Variants in KDM6A observed in about 807,000 individuals in gnomAD.
KDM6A encodes the protein lysine-specific demethylase 6A.
KDM6A carries 11 observed loss-of-function variants against 117.6 expected under a neutral mutation model. That is an observed-to-expected ratio of 0.09 (90% confidence interval 0.06 to 0.15). The LOEUF (loss-of-function observed/expected upper bound fraction) is 0.15. KDM6A is among the 10% of genes least tolerant of loss of function. KDM6A has a pLI of 1.00. For synonymous variants in KDM6A, 384 were observed against 396.1 expected (o/e 0.97, Z 0.36); for missense variants, 799 against 1,077.3 (o/e 0.74, Z 3.62).
intron 2 of KDM6A, among the ~76,000 whole-genome samples, chrX:44,911,195 T>C (rs1278895090): frequency 1.3e-3 from 123 of 95,943 alleles, no homozygotes; most frequent in Middle Eastern, 5.9e-3. Context: ...CCGGACGGGG[T>C]GGCTGCCGGG....
intron 4 of KDM6A, among the ~76,000 whole-genome samples, chrX:44,983,378 A>G (rs984150330): frequency 1.8e-5 from 2 of 111,765 alleles, no homozygotes; most frequent in African/African-American, 6.5e-5. Flanking sequence ...TTGACAATGC[A>G]GAAATGAATA....
At chrX:44,987,488 G>A (rs936687292) in intron 4 of KDM6A, among the ~76,000 whole-genome samples, 31 of 111,670 alleles carry the variant, frequency 2.8e-4, no homozygotes, top group Non-Finnish European at 1.1e-4. Context: ...AGTTGATGCA[G>A]TTTCTTCCTA....
chrX:44,944,417 T>C (rs1033138467), intron 2 of KDM6A, among the ~76,000 whole-genome samples: 2 of 111,721 alleles, frequency 1.8e-5, no homozygotes, highest in African/African-American at 6.5e-5. Flanking sequence ...TTATTTGCCT[T>C]TCCATATACA....
intron 28 of KDM6A, among the ~76,000 whole-genome samples, chrX:45,109,166 AAAT>A (rs1405963614): frequency 4.2e-4 from 43 of 103,387 alleles, no homozygotes; most frequent in African/African-American, 1.4e-3. Flanking sequence ...ATAAATAAAT[AAAT>A]AAAGTACCTG....
chrX:45,060,235 C>G (rs1418784513), intron 13 of KDM6A, 79 bp downstream of exon 13: 2 of 1,180,752 alleles, frequency 1.7e-6, no homozygotes, highest in Non-Finnish European at 2.3e-6. Flanking sequence ...GCTTAATTTA[C>G]TAAGCACAGG....
chrX:45,035,109 T>G (rs968325821), intron 7 of KDM6A, 124 bp downstream of exon 7: 2 of 576,979 alleles, frequency 3.5e-6, no homozygotes, highest in Non-Finnish European at 2.9e-6. Flanking sequence ...GTAACTGTAT[T>G]GGTTGCCATG....
At chrX:45,047,664 CTTTTTTTTTCTTTTTTT>C (rs1449580501) in intron 8 of KDM6A, among the ~76,000 whole-genome samples, 13 of 27,213 alleles carry the variant, frequency 4.8e-4, no homozygotes, top group African/African-American at 1.4e-3. Context: ...TATCTGCTTG[CTTTTTTTTTCTTTTTTT>C]TTTTTTTTTT....
chrX:44,993,454 C>T (rs968821436), intron 4 of KDM6A, among the ~76,000 whole-genome samples: 6 of 110,302 alleles, frequency 5.4e-5, no homozygotes, highest in Non-Finnish European at 1.1e-4. Flanking sequence ...AAGTGGTCTG[C>T]CCACTTCTGC....
chrX:45,029,425 C>A (rs1294279553), intron 6 of KDM6A, among the ~76,000 whole-genome samples: 1 of 109,659 alleles, frequency 9.1e-6, no homozygotes, highest in African/African-American at 3.3e-5. Flanking sequence ...AAGAGCGAAA[C>A]CCCATCTAAT....
At chrX:44,920,450 T>A (rs1375506477) in intron 2 of KDM6A, among the ~76,000 whole-genome samples, 3 of 110,873 alleles carry the variant, frequency 2.7e-5, no homozygotes, top group Non-Finnish European at 3.8e-5. Context: ...TTTATTTTTT[T>A]TTTTTTGAGA....
At chrX:45,001,819 C>T (rs2041157317) in intron 4 of KDM6A, among the ~76,000 whole-genome samples, 1 of 111,108 alleles carries the variant, frequency 9.0e-6, no homozygotes, top group Non-Finnish European at 1.9e-5. Flanking sequence ...GTCTATCCCC[C>T]TTCCGCTGTA....
chrX:45,018,266 T>C (rs2042041563), intron 5 of KDM6A, among the ~76,000 whole-genome samples: 2 of 111,441 alleles, frequency 1.8e-5, no homozygotes, highest in Non-Finnish European at 1.9e-5. Context: ...ATTGGGTCTA[T>C]AAGGTTTTCG....
At chrX:44,947,177 C>T (rs749735510) in intron 2 of KDM6A, among the ~76,000 whole-genome samples, 30 of 110,988 alleles carry the variant, frequency 2.7e-4, no homozygotes, top group African/African-American at 8.5e-4. Flanking sequence ...CCCATCTCCC[C>T]ACCAGATATA....
At chrX:45,051,362 A>G (rs1161584457) in intron 8 of KDM6A, among the ~76,000 whole-genome samples, 1 of 111,890 alleles carries the variant, frequency 8.9e-6, no homozygotes, top group Non-Finnish European at 1.9e-5. Flanking sequence ...CTAGGCAGAC[A>G]GATATGCACT....
intron 4 of KDM6A, among the ~76,000 whole-genome samples, chrX:44,991,720 C>T (rs1422422815): frequency 8.9e-6 from 1 of 111,836 alleles, no homozygotes; most frequent in East Asian, 2.8e-4. Flanking sequence ...GAGTTTCACT[C>T]TTGTTGCTCA....
intron 25 of KDM6A, among the ~76,000 whole-genome samples, chrX:45,087,115 T>C (rs1381052684): frequency 5.3e-5 from 6 of 112,640 alleles, no homozygotes; most frequent in African/African-American, 9.6e-5. Flanking sequence ...CTCAGCCTCC[T>C]GAGTAGCTGG....
chrX:45,042,243 A>G (rs866191670), intron 8 of KDM6A, among the ~76,000 whole-genome samples: 11 of 61,869 alleles, frequency 1.8e-4, no homozygotes, highest in African/African-American at 1.2e-3. Context: ...GAGACCGTGG[A>G]AGGAGACCGT....
chrX:44,923,277 G>T (rs1257468493), intron 2 of KDM6A, among the ~76,000 whole-genome samples: 1 of 110,510 alleles, frequency 9.0e-6, no homozygotes, highest in Non-Finnish European at 1.9e-5. Context: ...GGGCATGTGG[G>T]TTTTAAATTT....
chrX:44,894,916 G>A (rs1353536851), intron 2 of KDM6A, among the ~76,000 whole-genome samples: 1 of 107,926 alleles, frequency 9.3e-6, no homozygotes, highest in African/African-American at 3.4e-5. Context: ...ACAGGCACCC[G>A]CCATCATGCC....
Sources: allele counts gnomAD v4.1 joint callset (sites outside exome capture counted in the v4.1 genomes callset), GRCh38; gene constraint gnomAD v4.1.1; transcripts MANE v1.5; gene names NCBI Gene and HGNC (gene_info 2026-07-23, HGNC 2026-07-21).